Variants in PLCL1 observed in about 807,000 individuals in gnomAD.
PLCL1 encodes inactive phospholipase C-like protein 1.
A neutral mutation model predicts 84.4 loss-of-function variants in PLCL1; 41 were observed. The observed-to-expected ratio is 0.49, with a 90% CI of 0.38 to 0.63. PLCL1 has a LOEUF of 0.63. PLCL1 is among the 30% of genes least tolerant of loss of function. The pLI is 0.00. For synonymous variants in PLCL1, 490 were observed against 488.3 expected (o/e 1.00, Z -0.05); for missense variants, 1,206 against 1,367.8 (o/e 0.88, Z 1.87).
chr2:197,827,779 A>G (rs990180696), intron 1 of PLCL1, among the ~76,000 whole-genome samples: 1 of 152,088 alleles, frequency 6.6e-6, no homozygotes, highest in Non-Finnish European at 1.5e-5. Context: ...AAGTCCCCCA[A>G]ATGGTCATAG....
intron 1 of PLCL1, among the ~76,000 whole-genome samples, chr2:198,059,075 A>G (rs1692130067): frequency 6.6e-6 from 1 of 152,120 alleles, no homozygotes; most frequent in Non-Finnish European, 1.5e-5. Context: ...TACCCCCTGA[A>G]CACTTAGCAG....
In PLCL1 at chr2:198,088,939, C is replaced by T. The variant is rs45481595; in HGVS notation, c.2797C>T (p.Arg933Trp). 1.1e-5 allele frequency: 18 copies of T among 1,611,922 alleles called. No individual in the cohort carries two copies. Among genetic ancestry groups the T allele is most frequent in the East Asian group, 4.5e-5 (2 of 44,872 alleles). ...LKQCLLTLSS[R>W]LITSDNTPSV... ...GCAGTGCCTGTTAACTCTGTCATCTCGGCTCATCACCAGTGACAATACTCC... is the reference window on the plus strand; with the variant it reads ...GCAGTGCCTGTTAACTCTGTCATCTTGGCTCATCACCAGTGACAATACTCC... Residue 933 changes from arginine (R) to tryptophan (W), a missense_variant, in exon 3 of 6, where the codon CGG (arginine) becomes TGG (tryptophan). Physicochemically the swap from Arg to Trp is moderately radical, Grantham distance 101. Transcript: ENST00000428675.
At chr2:198,052,739 C>T (rs1691970259) in intron 1 of PLCL1, among the ~76,000 whole-genome samples, 1 of 152,140 alleles carries the variant, frequency 6.6e-6, no homozygotes, top group Non-Finnish European at 1.5e-5. Context: ...GGGAAGTGCT[C>T]ACTCATTCCA....
intron 1 of PLCL1, among the ~76,000 whole-genome samples, chr2:197,932,834 T>C (rs1469363279): frequency 6.6e-6 from 1 of 152,108 alleles, no homozygotes; most frequent in Non-Finnish European, 1.5e-5. Context: ...GGTGAAGAAA[T>C]AGGAGAGCAT....
At chr2:197,883,067 C>A (rs1338295995) in intron 1 of PLCL1, among the ~76,000 whole-genome samples, 5 of 152,084 alleles carry the variant, frequency 3.3e-5, no homozygotes, top group African/African-American at 1.2e-4. Flanking sequence ...CGGGACAGAG[C>A]TTGAGAGAGG....
At chr2:197,979,707 C>A (rs955880174) in intron 1 of PLCL1, among the ~76,000 whole-genome samples, 1 of 152,184 alleles carries the variant, frequency 6.6e-6, no homozygotes, top group Admixed American at 6.5e-5. Context: ...AGCTGTGTCT[C>A]CTGTCCCCAG....
intron 5 of PLCL1, among the ~76,000 whole-genome samples, chr2:198,120,977 T>A (rs1451279092): frequency 4.6e-5 from 7 of 152,080 alleles, no homozygotes. Flanking sequence ...TTCGCCAGCA[T>A]TTTTTATTGC....
chr2:198,142,874 C>T (rs540479940), intron 5 of PLCL1, among the ~76,000 whole-genome samples: 3 of 151,978 alleles, frequency 2.0e-5, no homozygotes, highest in South Asian at 4.2e-4. Context: ...ATAGAAATGC[C>T]GGCAGCAGCT....
intron 1 of PLCL1, among the ~76,000 whole-genome samples, chr2:198,005,433 A>G (rs1690705661): frequency 6.6e-6 from 1 of 152,242 alleles, no homozygotes; most frequent in South Asian, 2.1e-4. Context: ...GAAACTGCAC[A>G]TCGTGCCTGG....
intron 1 of PLCL1, among the ~76,000 whole-genome samples, chr2:197,883,047 T>A (rs186224035): frequency 3.9e-5 from 6 of 152,018 alleles, no homozygotes; most frequent in Non-Finnish European, 2.9e-5. Flanking sequence ...GATGGGGGAG[T>A]AGGTGATGAC....
At chr2:197,929,886 AT>A (rs1343325613) in intron 1 of PLCL1, among the ~76,000 whole-genome samples, 1 of 152,228 alleles carries the variant, frequency 6.6e-6, no homozygotes, top group African/African-American at 2.4e-5. Flanking sequence ...GAAAACAAAA[AT>A]AACATACTTA....
chr2:198,060,130 CT>C (rs1014538976), intron 1 of PLCL1, among the ~76,000 whole-genome samples: 1 of 152,178 alleles, frequency 6.6e-6, no homozygotes, highest in African/African-American at 2.4e-5. Flanking sequence ...GCTCTTCTCA[CT>C]TCTTTTTCAT....
At chr2:197,996,094 G>C (rs1292429294) in intron 1 of PLCL1, among the ~76,000 whole-genome samples, 1 of 152,090 alleles carries the variant, frequency 6.6e-6, no homozygotes, top group African/African-American at 2.4e-5. Context: ...GGAAGAGCAG[G>C]TTTGTTCAAG....
chr2:197,865,126 T>C (rs1236430494), intron 1 of PLCL1, among the ~76,000 whole-genome samples: 3 of 152,168 alleles, frequency 2.0e-5, no homozygotes, highest in Admixed American at 6.6e-5. Flanking sequence ...TACAGCAAGA[T>C]AAGTGACCTA....
chr2:198,115,533 G>A lies in PLCL1; in HGVS notation c.3105+11597G>A, dbSNP rs375693235. Among the ~76,000 whole-genome samples the A allele has an allele frequency of 7.9e-5, 12 of 151,922 alleles. No individual in the cohort carries two copies. The East Asian group carries it at 1.2e-3, about 15-fold the overall frequency. ...GAACACAGGGCTCAGATAAAGTTGA[G>A]CATTGTCAACATATGCATTTATATA... On this transcript the variant is annotated intron_variant, in intron 5 of 5. Coordinates refer to ENST00000428675, the MANE Select transcript of PLCL1 (RefSeq NM_006226.4).
intron 1 of PLCL1, among the ~76,000 whole-genome samples, chr2:197,871,206 T>C (rs1053054714): frequency 1.6e-4 from 25 of 152,090 alleles, no homozygotes; most frequent in African/African-American, 5.6e-4. Context: ...CTGAGGGATG[T>C]GAGGGGCCTG....
At chr2:198,076,971 C>T (rs965254967) in intron 1 of PLCL1, among the ~76,000 whole-genome samples, 5 of 152,282 alleles carry the variant, frequency 3.3e-5, no homozygotes, top group Middle Eastern at 3.4e-3. Context: ...ATTGGAAAGG[C>T]AAAATGTATG....
chr2:198,115,008 T>C (rs1217224503), intron 5 of PLCL1, among the ~76,000 whole-genome samples: 1 of 151,808 alleles, frequency 6.6e-6, no homozygotes, highest in Non-Finnish European at 1.5e-5. Context: ...CTGTAAGCAT[T>C]TGAAAGGCCA....
At chr2:197,927,461 C>T (rs566320755) in intron 1 of PLCL1, among the ~76,000 whole-genome samples, 1 of 152,236 alleles carries the variant, frequency 6.6e-6, no homozygotes, top group South Asian at 2.1e-4. Context: ...TTGATATGTT[C>T]TTCTATCATT....
Sources: gnomAD v4.1 joint callset for allele counts (sites outside exome capture counted in the v4.1 genomes callset) on GRCh38, gnomAD v4.1.1 for gene constraint, MANE v1.5 for transcripts, NCBI Gene and HGNC (gene_info 2026-07-23, HGNC 2026-07-21) for gene names.